The following FGD6 variants were observed in gnomAD, a reference collection of about 807,000 sequenced individuals.
FGD6 encodes FYVE, RhoGEF and PH domain-containing protein 6.
A neutral mutation model predicts 149.4 loss-of-function variants in FGD6; 90 were observed. That is an observed-to-expected ratio of 0.60 (90% confidence interval 0.51 to 0.72). The LOEUF (loss-of-function observed/expected upper bound fraction) is 0.72. FGD6 is among the 30% of genes least tolerant of loss of function. FGD6 has a pLI of 0.00. For missense variants in FGD6, 1,437 were observed against 1,684.8 expected (o/e 0.85, Z 2.57); for synonymous variants, 527 against 584.0 (o/e 0.90, Z 1.41).
intron 2 of FGD6, among the ~76,000 whole-genome samples, chr12:95,185,065 G>C (rs1881391112): frequency 6.6e-6 from 1 of 151,676 alleles, no homozygotes; most frequent in African/African-American, 2.4e-5. Context: ...GTAGAGACAG[G>C]GTTTCACCAT....
At chr12:95,176,977 G>A (rs552087983) in intron 2 of FGD6, among the ~76,000 whole-genome samples, 7 of 152,150 alleles carry the variant, frequency 4.6e-5, no homozygotes, top group East Asian at 1.9e-4. Flanking sequence ...ATAGGTGTAC[G>A]CCACCATGCC....
intron 3 of FGD6, among the ~76,000 whole-genome samples, chr12:95,169,469 A>G (rs569937129): frequency 6.6e-6 from 1 of 152,220 alleles, no homozygotes; most frequent in East Asian, 1.9e-4. Context: ...ATATAAATAC[A>G]GGAAGGGAAA....
intron 9 of FGD6, among the ~76,000 whole-genome samples, chr12:95,109,133 G>T (rs570394956): frequency 5.7e-4 from 87 of 152,318 alleles, no homozygotes; most frequent in African/African-American, 1.8e-3. Flanking sequence ...CATTTTGTGA[G>T]CTGGGTTATT....
chr12:95,098,325 C>T (rs1878309233), intron 14 of FGD6, among the ~76,000 whole-genome samples: 2 of 152,246 alleles, frequency 1.3e-5, no homozygotes, highest in South Asian at 4.2e-4. Flanking sequence ...TAGGCCACCT[C>T]CCAAACCAGA....
At chr12:95,155,333 CCTGA>C (rs1263423142) in intron 3 of FGD6, among the ~76,000 whole-genome samples, 1 of 152,116 alleles carries the variant, frequency 6.6e-6, no homozygotes, top group Non-Finnish European at 1.5e-5. Context: ...TCGAGACCAG[CCTGA>C]CTAACAAGGG....
intron 8 of FGD6, among the ~76,000 whole-genome samples, chr12:95,114,761 CCATT>C (rs1878956227): frequency 6.6e-6 from 1 of 152,070 alleles, no homozygotes; most frequent in Non-Finnish European, 1.5e-5. Context: ...GGATGGCCTC[CCATT>C]ACCTGTTAAA....
chr12:95,097,506 C>T (rs923047717), intron 14 of FGD6, among the ~76,000 whole-genome samples: 34 of 152,072 alleles, frequency 2.2e-4, no homozygotes, highest in African/African-American at 7.0e-4. Context: ...CATGGCGGTG[C>T]GCACCTGTAG....
At chr12:95,097,653 A>C (rs966807403) in intron 14 of FGD6, among the ~76,000 whole-genome samples, 7 of 151,010 alleles carry the variant, frequency 4.6e-5, no homozygotes, top group African/African-American at 1.7e-4. Context: ...AAAAAAAAAA[A>C]AAAAAAGACC....
In FGD6 at chr12:95,199,207, T is replaced by A. The variant is rs551672426; in HGVS notation, c.2441+9636A>T. 1.8e-4 allele frequency among the ~76,000 whole-genome samples: 28 copies of A among 152,296 alleles called. No individual in the cohort carries two copies. The South Asian group carries it at 5.8e-3, about 32-fold the overall frequency. On this transcript the variant is annotated intron_variant, in intron 2 of 20. Coordinates refer to ENST00000343958, the MANE Select transcript of FGD6 (RefSeq NM_018351.4). ...GTTTTGGAATTTCCCATTTCTGTGG[T>A]GTGGGCAAAGTCGACAAGTCTTCAC... is the stretch of plus-strand genomic sequence containing the variant.
In FGD6 at chr12:95,076,988, A is replaced by T. The variant is rs1004757695; in HGVS notation, c.*4532T>A. ...TTGCTCCCCCTTCATTCCTTCCCCC[A>T]ACTCCAAAGGGAAAGGAATTTGATA... On this transcript the variant is annotated 3_prime_UTR_variant, in exon 21 of 21. Transcript: ENST00000343958. 6.6e-6 allele frequency: 1 copy of T among 152,132 alleles called. No individual in the cohort carries two copies. The highest frequency in any genetic ancestry group is 2.4e-5 in the African/African-American group (1 of 41,442). The allele number at this position is 152,132 out of a possible 1,614,324, so 9.4% of individuals were successfully genotyped here.
chr12:95,143,730 G>C (rs1879926221), intron 5 of FGD6, among the ~76,000 whole-genome samples: 1 of 152,154 alleles, frequency 6.6e-6, no homozygotes, highest in Non-Finnish European at 1.5e-5. Context: ...TCATTAGGCT[G>C]TCTGCTATCA....
chr12:95,165,602 T>C (rs889810100), intron 3 of FGD6, among the ~76,000 whole-genome samples: 6 of 151,760 alleles, frequency 4.0e-5, no homozygotes, highest in Non-Finnish European at 7.4e-5. Flanking sequence ...CCTCCCAAAG[T>C]GCTAAGATTA....
intron 17 of FGD6, among the ~76,000 whole-genome samples, 179 bp from the exon 18 acceptor site, chr12:95,089,875 C>T (rs556833311): frequency 6.6e-6 from 1 of 152,256 alleles, no homozygotes; most frequent in South Asian, 2.1e-4. Context: ...AGACTTTCTA[C>T]TATCTATGGT....
intron 2 of FGD6, among the ~76,000 whole-genome samples, chr12:95,175,204 A>C (rs138758822): frequency 6.6e-6 from 1 of 152,216 alleles, no homozygotes; most frequent in Non-Finnish European, 1.5e-5. Flanking sequence ...CTATCTCACT[A>C]AACTGCACTT....
In FGD6 at chr12:95,079,381, G is replaced by C. The variant is rs1006737103; in HGVS notation, c.*2139C>G. On this transcript the variant is annotated 3_prime_UTR_variant, in exon 21 of 21. Transcript: ENST00000343958. ...CTCACTCTCTTTAGATTTAGAACTG[G>C]CTCATGATTCAGCCAGGTCTTAGAA... The C allele has an allele frequency of 6.6e-6, 1 of 152,152 alleles. No individual in the cohort carries two copies. Among genetic ancestry groups the C allele is most frequent in the African/African-American group, 2.4e-5 (1 of 41,430 alleles). 9.4% of individuals were successfully genotyped at this position (152,152 alleles called of 1,614,324 possible). A position where few individuals can be genotyped will look rare whatever the true frequency, so the allele number is the denominator to read the frequency against.
chr12:95,114,665 A>C (rs904710696), intron 8 of FGD6, among the ~76,000 whole-genome samples: 2 of 152,200 alleles, frequency 1.3e-5, no homozygotes, highest in African/African-American at 4.8e-5. Flanking sequence ...AAGAGGTAAT[A>C]GAAGAACCTA....
chr12:95,164,113 GA>G (rs959718096), intron 3 of FGD6, among the ~76,000 whole-genome samples: 1 of 152,114 alleles, frequency 6.6e-6, no homozygotes, highest in African/African-American at 2.4e-5. Flanking sequence ...AGCCACAAAT[GA>G]AATAACTTTG....
At chr12:95,179,274 G>T (rs1317519390) in intron 2 of FGD6, among the ~76,000 whole-genome samples, 1 of 151,850 alleles carries the variant, frequency 6.6e-6, no homozygotes, top group Non-Finnish European at 1.5e-5. Flanking sequence ...GGGGGTGGGG[G>T]TGATTGCTTG....
rs2056711839 is a variant in FGD6 at position 95,209,492 on chromosome 12, G to C, written c.1792C>G (p.Leu598Val). The C allele has an allele frequency of 6.2e-7, 1 of 1,613,426 alleles. No individual in the cohort carries two copies. Among genetic ancestry groups the C allele is most frequent in the Non-Finnish European group, 8.5e-7 (1 of 1,179,786 alleles). Residue 598 changes from leucine (L) to valine (V), a missense_variant, in exon 2 of 21, where the codon CTA (leucine) becomes GTA (valine). Leu to Val is a conservative substitution (Grantham distance 32). Coordinates refer to ENST00000343958, the MANE Select transcript of FGD6 (RefSeq NM_018351.4). ...AACGATTTTGCTCTGGGCTTGGTTA[G>C]GGCTGTTGAAGGCTCACTGTTTGAC... ...VSSNSEPSTALTKPRAKSLSA... is the reference protein window; with the variant it reads ...VSSNSEPSTAVTKPRAKSLSA...
Sources: allele counts gnomAD v4.1 joint callset (sites outside exome capture counted in the v4.1 genomes callset), GRCh38; gene constraint gnomAD v4.1.1; transcripts MANE v1.5; gene names NCBI Gene and HGNC (gene_info 2026-07-23, HGNC 2026-07-21).